Variants in KICS2 observed in about 807,000 individuals in gnomAD.
KICS2 encodes KICSTOR subunit 2.
KICS2 carries 13 observed loss-of-function variants against 31.4 expected under a neutral mutation model. The ratio of observed to expected loss-of-function variants is 0.41; its 90% CI spans 0.27 to 0.66. KICS2 has a LOEUF of 0.66. Among genes scored for constraint, KICS2 ranks in the 30% least tolerant of loss-of-function variants. The pLI, the probability that KICS2 is intolerant of heterozygous loss-of-function variation, is 0.28. For synonymous variants in KICS2, 209 were observed against 214.8 expected, an observed-to-expected ratio of 0.97 and a Z score of 0.24; for missense variants, 455 against 545.4, an observed-to-expected ratio of 0.83 and a Z score of 1.65.
In KICS2 at chr12:64,215,852, G is replaced by A. The variant is rs867425612; in HGVS notation, c.347C>T (p.Pro116Leu). The change falls in exon 2 of 3, where the codon CCT becomes CTT. Residue 116 changes from proline to leucine, a missense_variant. Coordinates refer to ENST00000398055, the MANE Select transcript of KICS2 (RefSeq NM_152440.5). The part of the protein sequence containing the change: ...TGRGALGGTA[P>L]HVEELLSHLS... The stretch of plus-strand genomic sequence containing the variant: ...GTGGGAAAGGAGTTCTTCCACGTGA[G>A]GAGCAGTCCCACCCAGGGCACCACG... 6.2e-7 allele frequency: 1 copy of A among 1,613,840 alleles called. No individual in the cohort carries two copies. The highest frequency in any genetic ancestry group is 1.7e-5 in the Admixed American group (1 of 59,954).
At chr12:64,190,622 C>T (rs1480186826), downstream of KICS2, among the ~76,000 whole-genome samples, 2 of 151,880 alleles carry the variant, frequency 1.3e-5, no homozygotes, top group South Asian at 2.1e-4. Flanking sequence ...TAAAATTAGC[C>T]AGGCATGGTC....
At chr12:64,189,346 T>C (rs1592376240), downstream of KICS2, among the ~76,000 whole-genome samples, 1 of 152,278 alleles carries the variant, frequency 6.6e-6, no homozygotes, top group East Asian at 1.9e-4. Flanking sequence ...TCTAATGATA[T>C]AATCTATCTA....
intron 1 of KICS2, 140 bp from the exon 2 acceptor site, chr12:64,216,103 T>C (rs945486411): frequency 4.2e-6 from 2 of 474,706 alleles, no homozygotes; most frequent in Non-Finnish European, 6.9e-6. Context: ...CTGTCTATGA[T>C]TGAGATATAA....
At chr12:64,197,196 G>C (rs926452855) in intron 2 of KICS2, among the ~76,000 whole-genome samples, 1 of 138,048 alleles carries the variant, frequency 7.2e-6, no homozygotes, top group African/African-American at 2.8e-5. Flanking sequence ...AGGGCAGCCA[G>C]AGAGAAAGGT....
At position 64,191,641 on chromosome 12, in the gene KICS2, A is replaced by T. The variant is rs1258090998; in HGVS notation, c.*2201T>A. On this transcript the variant is annotated 3_prime_UTR_variant, in exon 3 of 3. Transcript: ENST00000398055. Reference sequence around the variant, plus strand: ...TGACTTTTTAGCTCCAATTGCTTTCAATTTCTTAGGTAAGGTCAATGTTGT... The same window carrying T: ...TGACTTTTTAGCTCCAATTGCTTTCTATTTCTTAGGTAAGGTCAATGTTGT... The T allele has an allele frequency of 6.6e-6, 1 of 152,216 alleles. No individual in the cohort carries two copies. The highest frequency in any genetic ancestry group is 1.5e-5 in the Non-Finnish European group (1 of 68,044). The allele number at this position is 152,216 out of a possible 1,614,324, so 9.4% of individuals were successfully genotyped here.
In KICS2 at chr12:64,193,627, A is replaced by ATGG; in HGVS notation, c.*212_*214dup. On this transcript the variant is annotated 3_prime_UTR_variant, in exon 3 of 3. Transcript: ENST00000398055. ...CTACTTTGCTGTACCATGGAGACAC[A>ATGG]TGGTAGCCCATGACCACTTCCTAGA... The ATGG allele has an allele frequency of 7.2e-7, 1 of 1,383,082 alleles. No homozygotes were observed. The highest frequency in any genetic ancestry group is 1.8e-5 in the South Asian group (1 of 54,936). The allele number at this position is 1,383,082 out of a possible 1,614,324, so 85.7% of individuals were successfully genotyped here. A position where few individuals can be genotyped will look rare whatever the true frequency, so the allele number is the denominator to read the frequency against.
intron 2 of KICS2, among the ~76,000 whole-genome samples, chr12:64,212,717 C>T (rs1377872313): frequency 2.6e-5 from 4 of 152,074 alleles, no homozygotes; most frequent in Admixed American, 6.6e-5. Flanking sequence ...AATTGCTGAT[C>T]ATATGGTAAC....
At chr12:64,187,772 A>AT (rs1471720683), downstream of KICS2, 1 of 759,822 alleles carries the variant, frequency 1.3e-6, no homozygotes, top group African/African-American at 1.8e-5. Context: ...GTTTTCTTAC[A>AT]TTTTTACTTG....
At chr12:64,206,504 C>A (rs1321677856) in intron 2 of KICS2, among the ~76,000 whole-genome samples, 1 of 152,138 alleles carries the variant, frequency 6.6e-6, no homozygotes, top group Non-Finnish European at 1.5e-5. Context: ...GAAACTAATA[C>A]ATTTATTATG....
downstream of KICS2, among the ~76,000 whole-genome samples, chr12:64,188,258 C>T (rs2037354002): frequency 1.3e-5 from 2 of 152,136 alleles, no homozygotes; most frequent in Non-Finnish European, 2.9e-5. Flanking sequence ...GGCACAGTGG[C>T]TCACGTCTGT....
At chr12:64,198,030 TAGACAGATCAACG>T (rs1334357505) in intron 2 of KICS2, among the ~76,000 whole-genome samples, 2 of 90,962 alleles carry the variant, frequency 2.2e-5, no homozygotes, top group East Asian at 6.4e-4. Flanking sequence ...CTGTCAACAT[TAGACAGATCAACG>T]AGACAGAAAG....
At chr12:64,207,995 T>C (rs2037554679) in intron 2 of KICS2, among the ~76,000 whole-genome samples, 1 of 152,226 alleles carries the variant, frequency 6.6e-6, no homozygotes, top group Non-Finnish European at 1.5e-5. Flanking sequence ...ATGATTGGAC[T>C]TCTGCTTAAA....
downstream of KICS2, among the ~76,000 whole-genome samples, chr12:64,190,775 A>T (rs1452332184): frequency 6.6e-6 from 1 of 150,650 alleles, no homozygotes; most frequent in Non-Finnish European, 1.5e-5. Flanking sequence ...GAAAGAAAAG[A>T]AAAGTATTTG....
Position 64,202,613 on chromosome 12 carries a change from T to C in KICS2, c.522-7955A>G, listed in dbSNP as rs1481822612. Among the ~76,000 whole-genome samples, 5 of 148,734 alleles carry C rather than the reference T, an allele frequency of 3.4e-5. No individual in the cohort carries two copies. In the East Asian group the frequency reaches 5.8e-4, roughly 17 times the overall value. ...CGCTATTGATAGTTTCTAATATATA[T>C]AGATATTTTCTAATATATATTAAAT... On this transcript the variant is annotated intron_variant, in intron 2 of 2. Transcript: ENST00000398055.
intron 2 of KICS2, among the ~76,000 whole-genome samples, chr12:64,215,178 G>A (rs1264263081): frequency 6.6e-6 from 1 of 151,852 alleles, no homozygotes; most frequent in Non-Finnish European, 1.5e-5. Flanking sequence ...AGCTGGGTGT[G>A]GCGTGTACCT....
intron 2 of KICS2, among the ~76,000 whole-genome samples, chr12:64,204,410 G>A (rs2037518716): frequency 2.0e-5 from 3 of 152,238 alleles, no homozygotes; most frequent in African/African-American, 7.2e-5. Context: ...AAATCAGAAA[G>A]ATAAACCAGA....
In KICS2 at chr12:64,222,202, C is replaced by T. The variant is rs1324933133; in HGVS notation, c.36G>A (p.Pro12=). The change falls in exon 1 of 3, where the codon CCG becomes CCA. Residue 12 remains proline, a synonymous_variant. Transcript: ENST00000398055. ...GESIPLAAPV[P]VEQAVLETFF... The stretch of plus-strand genomic sequence containing the variant: ...ACGTCTCCAGCACCGCCTGTTCCAC[C>T]GGGACCGGGGCGGCCAGCGGGATAG... The T allele has an allele frequency of 6.2e-7, 1 of 1,614,028 alleles. No homozygotes were observed. The highest frequency in any genetic ancestry group is 8.5e-7 in the Non-Finnish European group (1 of 1,179,954).
intron 1 of KICS2, among the ~76,000 whole-genome samples, chr12:64,218,999 A>C (rs2037654868): frequency 6.6e-6 from 1 of 152,186 alleles, no homozygotes; most frequent in Non-Finnish European, 1.5e-5. Context: ...AAGGAATCAG[A>C]AACATCCAAC....
chr12:64,197,215 C>G (rs2037448691), intron 2 of KICS2, among the ~76,000 whole-genome samples: 7 of 143,058 alleles, frequency 4.9e-5, no homozygotes, highest in Admixed American at 2.1e-4. Flanking sequence ...GTCGGGTTAC[C>G]CTCAAAGGGA....
Sources: allele counts gnomAD v4.1 joint callset (sites outside exome capture counted in the v4.1 genomes callset), GRCh38; gene constraint gnomAD v4.1.1; transcripts MANE v1.5; gene names NCBI Gene and HGNC (gene_info 2026-07-23, HGNC 2026-07-21).